DTWD2: variants seen among roughly 807,000 people sequenced by gnomAD.
The protein encoded by DTWD2 is DTW motif tRNA-uridine aminocarboxypropyltransferase 2, also known as tRNA-uridine aminocarboxypropyltransferase 2.
Under a neutral mutation model 31.8 loss-of-function variants are expected in DTWD2, and 39 were observed. The observed-to-expected ratio is 1.22, with a 90% CI of 0.95 to 1.60. DTWD2 has a LOEUF of 1.60. DTWD2 is among the 40% of genes most tolerant of loss of function. DTWD2 has a pLI of 0.00. For missense variants in DTWD2, 515 were observed against 381.5 expected (o/e 1.35, Z -2.92); for synonymous variants, 180 against 142.8 (o/e 1.26, Z -1.86).
chr5:118,985,449 T>C (rs867712413), intron 1 of DTWD2, among the ~76,000 whole-genome samples: 1 of 139,500 alleles, frequency 7.2e-6, no homozygotes, highest in Non-Finnish European at 1.6e-5. Context: ...GCTGATAGTA[T>C]AGAATTCAAC....
Position 118,988,371 on chromosome 5 carries a change from C to T in DTWD2, c.141G>A (p.Ala47=), listed in dbSNP as rs1349704513. The T allele has an allele frequency of 2.5e-6, 4 of 1,574,296 alleles. No homozygotes were observed. Among genetic ancestry groups the T allele is most frequent in the Non-Finnish European group, 2.6e-6 (3 of 1,162,558 alleles). Residue 47 remains alanine (A), a synonymous_variant, in exon 1 of 6, where the codon GCG becomes GCA. Coordinates refer to ENST00000510708, the MANE Select transcript of DTWD2 (RefSeq NM_173666.4). ...ACAGCCCGTCCGCACTGTCGTCGTCCGCCTCTGCGCCCAGGGCAGCCGCCG... is the reference window on the plus strand; with the variant it reads ...ACAGCCCGTCCGCACTGTCGTCGTCTGCCTCTGCGCCCAGGGCAGCCGCCG... ...VPAAAALGAE[A]DDDSADGLWE...
chr5:118,893,391 G>C (rs528991523), intron 4 of DTWD2, among the ~76,000 whole-genome samples: 33 of 147,298 alleles, frequency 2.2e-4, no homozygotes, highest in African/African-American at 8.0e-4. Context: ...GTGGAAATGA[G>C]ACTATAAATG....
intron 4 of DTWD2, among the ~76,000 whole-genome samples, chr5:118,907,547 A>T (rs1231271653): frequency 6.6e-6 from 1 of 152,130 alleles, no homozygotes; most frequent in East Asian, 1.9e-4. Context: ...CCTGGCCAAC[A>T]TGGTGAAACT....
intron 1 of DTWD2, chr5:118,974,694 T>C (rs763277215): frequency 2.0e-6 from 1 of 511,102 alleles, no homozygotes; most frequent in Non-Finnish European, 3.9e-6. Context: ...AGGTTTCTTT[T>C]TTTTCCTTTT....
At chr5:118,973,457 C>CA (rs1229252516) in intron 1 of DTWD2, among the ~76,000 whole-genome samples, 1 of 152,154 alleles carries the variant, frequency 6.6e-6, no homozygotes, top group East Asian at 1.9e-4. Flanking sequence ...CTGGTGGTGA[C>CA]AAAATCTCTC....
intron 1 of DTWD2, among the ~76,000 whole-genome samples, chr5:118,964,813 G>A (rs1400204843): frequency 6.6e-6 from 1 of 152,198 alleles, no homozygotes; most frequent in Non-Finnish European, 1.5e-5. Flanking sequence ...CCAGCCGCCT[G>A]CCTTGGCCTC....
intron 1 of DTWD2, chr5:118,973,719 G>C (rs368917682): frequency 3.2e-6 from 5 of 1,564,242 alleles, no homozygotes; most frequent in Middle Eastern, 2.3e-4. Flanking sequence ...CGCGGACTCC[G>C]GCAGCTTTAT....
Position 118,939,292 on chromosome 5 carries a change from TTTAATTAAAAAATGA to T in DTWD2, c.310-17_310-3del. 1 of 1,562,252 alleles carries T rather than the reference TTTAATTAAAAAATGA, an allele frequency of 6.4e-7. No homozygotes were observed. The highest frequency in any genetic ancestry group is 8.7e-7 in the Non-Finnish European group (1 of 1,155,894). ...AACTGTACGCAACACTTTGTTTTCCTTTAATTAAAAAATGAATTGAAACATAGATTTTTACTTAGA... is the reference window on the plus strand; with the variant it reads ...AACTGTACGCAACACTTTGTTTTCCTATTGAAACATAGATTTTTACTTAGA... On this transcript the variant is annotated splice_polypyrimidine_tract_variant and splice_region_variant and intron_variant, in intron 2 of 5. Coordinates refer to ENST00000510708, the MANE Select transcript of DTWD2 (RefSeq NM_173666.4).
Position 118,858,626 on chromosome 5 carries a change from T to A in DTWD2, c.598-10408A>T, listed in dbSNP as rs571614336. ...AACATTTTGCCAATCCTGCCTGTTG[T>A]AACCCCTAGTTCCTTGCTCTTTTTT... is the stretch of plus-strand genomic sequence containing the variant. On this transcript the variant is annotated intron_variant, in intron 4 of 5. Coordinates refer to ENST00000510708, the MANE Select transcript of DTWD2 (RefSeq NM_173666.4). 7.2e-5 allele frequency among the ~76,000 whole-genome samples: 11 copies of A among 152,352 alleles called. No homozygotes were observed. In the South Asian group the frequency reaches 2.3e-3, roughly 32 times the overall value.
intron 4 of DTWD2, among the ~76,000 whole-genome samples, chr5:118,866,548 G>C (rs1008647614): frequency 6.6e-6 from 1 of 152,112 alleles, no homozygotes; most frequent in African/African-American, 2.4e-5. Flanking sequence ...CAAAAGACTT[G>C]AAATAAATTG....
chr5:118,895,228 C>A (rs1753059761), intron 4 of DTWD2, among the ~76,000 whole-genome samples: 1 of 151,872 alleles, frequency 6.6e-6, no homozygotes, highest in Admixed American at 6.6e-5. Context: ...CAGTGATCAA[C>A]CTGAAAAAAT....
chr5:118,886,273 G>A (rs137889812), intron 4 of DTWD2, among the ~76,000 whole-genome samples: 5 of 152,290 alleles, frequency 3.3e-5, no homozygotes, highest in South Asian at 2.1e-4. Flanking sequence ...AAGAGTTTAC[G>A]GTTATTGGAG....
chr5:118,898,242 T>C (rs1033224043), intron 4 of DTWD2, among the ~76,000 whole-genome samples: 11 of 152,176 alleles, frequency 7.2e-5, no homozygotes, highest in African/African-American at 2.7e-4. Flanking sequence ...ACAATTTCAT[T>C]CTGAAGAAAC....
At chr5:118,865,698 T>C (rs1055223331) in intron 4 of DTWD2, among the ~76,000 whole-genome samples, 6 of 152,232 alleles carry the variant, frequency 3.9e-5, no homozygotes, top group African/African-American at 1.4e-4. Flanking sequence ...CCTCATTTTT[T>C]AAAGCTAGCA....
chr5:118,890,437 C>T (rs745331259), intron 4 of DTWD2, among the ~76,000 whole-genome samples: 10 of 151,900 alleles, frequency 6.6e-5, no homozygotes, highest in Non-Finnish European at 1.3e-4. Context: ...GAATGCAATC[C>T]TAATGATGTA....
At chr5:118,914,273 G>A (rs1488180740) in intron 4 of DTWD2, among the ~76,000 whole-genome samples, 1 of 152,130 alleles carries the variant, frequency 6.6e-6, no homozygotes, top group African/African-American at 2.4e-5. Flanking sequence ...AAAGGCTCTA[G>A]GAGTGCGTTC....
intron 1 of DTWD2, among the ~76,000 whole-genome samples, chr5:118,944,914 T>A (rs1390752186): frequency 6.6e-6 from 1 of 152,192 alleles, no homozygotes; most frequent in African/African-American, 2.4e-5. Flanking sequence ...AGAGAAAGAA[T>A]ACCTATAAGT....
At chr5:118,865,987 T>C (rs1482263686) in intron 4 of DTWD2, among the ~76,000 whole-genome samples, 1 of 150,744 alleles carries the variant, frequency 6.6e-6, no homozygotes, top group African/African-American at 2.5e-5. Flanking sequence ...AAGAGGTACG[T>C]GTGTCTGCGT....
At chr5:118,952,839 G>C (rs1341768207) in intron 1 of DTWD2, among the ~76,000 whole-genome samples, 1 of 152,086 alleles carries the variant, frequency 6.6e-6, no homozygotes, top group Non-Finnish European at 1.5e-5. Flanking sequence ...CTCTCATCTT[G>C]TTTGCACGTC....
Sources: gnomAD v4.1 joint callset for allele counts (sites outside exome capture counted in the v4.1 genomes callset) on GRCh38, gnomAD v4.1.1 for gene constraint, MANE v1.5 for transcripts, NCBI Gene and HGNC (gene_info 2026-07-23, HGNC 2026-07-21) for gene names.